Variants in MAP3K21 observed in about 807,000 individuals in gnomAD.
MAP3K21 encodes mitogen-activated protein kinase kinase kinase 21, also known as mitogen-activated protein kinase kinase kinase MLK4.
In MAP3K21, 63 loss-of-function variants were observed where a neutral mutation model predicts 86.1. That is an observed-to-expected ratio of 0.73 (90% CI 0.60 to 0.90). MAP3K21 has a LOEUF of 0.90. Among genes scored for constraint, MAP3K21 ranks in the 40% least tolerant of loss-of-function variants. The pLI is 0.00. For missense variants in MAP3K21, 1,220 were observed against 1,367.7 expected (o/e 0.89, Z 1.70); for synonymous variants, 558 against 564.8 (o/e 0.99, Z 0.17).
chr1:233,368,825 C>G (rs1486609614), intron 5 of MAP3K21, among the ~76,000 whole-genome samples: 2 of 152,150 alleles, frequency 1.3e-5, no homozygotes, highest in Non-Finnish European at 2.9e-5. Flanking sequence ...TCTCCGTCAA[C>G]AAACACCTGA....
At chr1:233,381,311 C>A (rs1423711530) in intron 9 of MAP3K21, among the ~76,000 whole-genome samples, 1 of 152,130 alleles carries the variant, frequency 6.6e-6, no homozygotes, top group East Asian at 1.9e-4. Flanking sequence ...ACTATACTTA[C>A]CTAATCTGTA....
chr1:233,375,033 C>G (rs1663763977), intron 6 of MAP3K21, among the ~76,000 whole-genome samples: 1 of 151,704 alleles, frequency 6.6e-6, no homozygotes, highest in Non-Finnish European at 1.5e-5. Flanking sequence ...CTTCTGCCAC[C>G]TGGGTTCAAG....
At position 233,362,182 on chromosome 1, in the gene MAP3K21, A is replaced by G. The variant is rs1663478115; in HGVS notation, c.1441A>G (p.Ile481Val). The G allele has an allele frequency of 6.2e-7, 1 of 1,614,200 alleles. No individual in the cohort carries two copies. Residue 481 changes from isoleucine to valine, a missense_variant, in exon 5 of 10, where the codon ATT (isoleucine) becomes GTT (valine). Transcript: ENST00000366624. ...EIDVLERELNILIFQLNQEKP... is the reference protein window; with the variant it reads ...EIDVLERELNVLIFQLNQEKP... ...CGACGTGCTGGAGCGGGAACTTAAC[A>G]TTCTGATATTCCAGCTAAACCAGGA...
chr1:233,380,416 C>A (rs1257915902), intron 9 of MAP3K21, among the ~76,000 whole-genome samples: 1 of 152,114 alleles, frequency 6.6e-6, no homozygotes, highest in Non-Finnish European at 1.5e-5. Flanking sequence ...ACCCTAATGA[C>A]CTCATTTTAC....
intron 4 of MAP3K21, among the ~76,000 whole-genome samples, chr1:233,361,817 T>C (rs934543501): frequency 1.3e-5 from 2 of 152,226 alleles, no homozygotes; most frequent in African/African-American, 2.4e-5. Context: ...AGGCCTGGGC[T>C]GTCATCTAAG....
Position 233,363,225 on chromosome 1 carries a change from T to A in MAP3K21, c.1552+932T>A, listed in dbSNP as rs188062796. Among the ~76,000 whole-genome samples, 36 of 152,324 alleles carry A rather than the reference T, an allele frequency of 2.4e-4. No individual in the cohort carries two copies. In the East Asian group the frequency reaches 5.8e-3, roughly 25 times the overall value. ...GAGTGCTCGGACGGATTCTAGTGTT[T>A]TCCTAAGATGTTTGTTAATGGCATG... On this transcript the variant is annotated intron_variant, in intron 5 of 9. Transcript: ENST00000366624.
rs183137223 is a variant in MAP3K21, at chr1:233,337,071, T to C, written c.805+8238T>C. ...TGTCTGACTCCACTAGCTTTTTGAA[T>C]AGGGTGACGTGAGGATTAAGTGAGA... On this transcript the variant is annotated intron_variant, in intron 1 of 9. Transcript: ENST00000366624. Among the ~76,000 whole-genome samples, 6 of 152,316 alleles carry C rather than the reference T, an allele frequency of 3.9e-5. No homozygotes were observed. The East Asian group carries it at 9.6e-4, about 24-fold the overall frequency.
chr1:233,349,030 T>A (rs1246249460), intron 2 of MAP3K21, among the ~76,000 whole-genome samples: 1 of 152,194 alleles, frequency 6.6e-6, no homozygotes, highest in Non-Finnish European at 1.5e-5. Context: ...AAATTATGAT[T>A]TAATTGTTCT....
intron 1 of MAP3K21, among the ~76,000 whole-genome samples, chr1:233,334,670 G>A (rs1662879406): frequency 6.6e-6 from 1 of 152,126 alleles, no homozygotes. Context: ...ATACTAAGAT[G>A]TGTGGACTAT....
intron 4 of MAP3K21, among the ~76,000 whole-genome samples, chr1:233,359,110 G>A (rs1220184140): frequency 6.6e-6 from 1 of 152,118 alleles, no homozygotes; most frequent in African/African-American, 2.4e-5. Context: ...ACCAGGCCCG[G>A]CCTTATTTTA....
chr1:233,346,662 G>T, intron 2 of MAP3K21, 40 bp downstream of exon 2: 2 of 1,567,044 alleles, frequency 1.3e-6, no homozygotes, highest in Non-Finnish European at 1.7e-6. Flanking sequence ...GAAACTGCTT[G>T]CTATGCTTTA....
chr1:233,349,125 C>T (rs1045946206), intron 2 of MAP3K21, among the ~76,000 whole-genome samples: 1 of 152,140 alleles, frequency 6.6e-6, no homozygotes, highest in Non-Finnish European at 1.5e-5. Context: ...GTGCTTGAGC[C>T]TCACCCCTTG....
At chr1:233,377,117 A>G (rs921241731) in intron 8 of MAP3K21, among the ~76,000 whole-genome samples, 1 of 152,076 alleles carries the variant, frequency 6.6e-6, no homozygotes, top group Non-Finnish European at 1.5e-5. Flanking sequence ...TAAATAAATA[A>G]ATAAATAAGA....
At chr1:233,380,286 C>G (rs1663890050) in intron 9 of MAP3K21, among the ~76,000 whole-genome samples, 1 of 152,216 alleles carries the variant, frequency 6.6e-6, no homozygotes, top group Non-Finnish European at 1.5e-5. Context: ...GGCTCCTTGA[C>G]TTCTAGACGG....
intron 8 of MAP3K21, among the ~76,000 whole-genome samples, chr1:233,377,911 A>G (rs1386348434): frequency 6.6e-6 from 1 of 152,188 alleles, no homozygotes; most frequent in African/African-American, 2.4e-5. Context: ...TTGTATGTGC[A>G]GTTCACAATG....
intron 5 of MAP3K21, among the ~76,000 whole-genome samples, chr1:233,368,964 T>C (rs1663633153): frequency 6.6e-6 from 1 of 152,216 alleles, no homozygotes; most frequent in African/African-American, 2.4e-5. Flanking sequence ...CAAGGCACTG[T>C]GCCAGTCTGA....
In MAP3K21 at chr1:233,378,896, G is replaced by A. The variant is rs201017254; in HGVS notation, c.1925-35G>A. ...GTTTAAATGACTTTTGCTGTAAAAT[G>A]ATACTACAGTGTATGTACTTATACC... On this transcript the variant is annotated intron_variant, in intron 8 of 9. Transcript: ENST00000366624. The A allele has an allele frequency of 9.0e-3, 12,655 of 1,403,218 alleles. 99 individuals are homozygous for A. Among genetic ancestry groups the A allele is most frequent in the Middle Eastern group, 0.045 (230 of 5,164 alleles). 86.9% of individuals were successfully genotyped at this position (1,403,218 alleles called of 1,614,324 possible).
intron 4 of MAP3K21, 77 bp from the exon 5 acceptor site, chr1:233,361,976 C>A (rs939283998): frequency 2.0e-6 from 3 of 1,517,166 alleles, no homozygotes; most frequent in South Asian, 2.5e-5. Flanking sequence ...GCCGAGGGGT[C>A]GCCAGTGTAG....
rs571635527 is a variant in MAP3K21 at position 233,365,270 on chromosome 1, GACAATTGGGACTAT to G, written c.1552+2979_1552+2992del. Among the ~76,000 whole-genome samples, 449 of 152,068 alleles carry G rather than the reference GACAATTGGGACTAT, an allele frequency of 3.0e-3. 4 individuals carry two copies. The highest frequency in any genetic ancestry group is 0.01 in the African/African-American group (422 of 41,494). On this transcript the variant is annotated intron_variant, in intron 5 of 9. Transcript: ENST00000366624. ...GCTCAGGCAACAAAAAACAAAAATA[GACAATTGGGACTAT>G]ATTGAACCGAAAAGCTTCTGCACAG...
Sources: allele counts gnomAD v4.1 joint callset (sites outside exome capture counted in the v4.1 genomes callset), GRCh38; gene constraint gnomAD v4.1.1; transcripts MANE v1.5; gene names NCBI Gene and HGNC (gene_info 2026-07-23, HGNC 2026-07-21).